SEMA3E: variants seen among roughly 807,000 people sequenced by gnomAD.
SEMA3E encodes the protein semaphorin-3E.
SEMA3E carries 49 observed loss-of-function variants against 93.6 expected under a neutral mutation model. The observed-to-expected ratio is 0.52, with a 90% CI of 0.42 to 0.66. The LOEUF (loss-of-function observed/expected upper bound fraction) is 0.66, where lower values mean the gene tolerates loss of function less well. Ranked by LOEUF, SEMA3E falls within the 30% of genes least tolerant of loss-of-function variation. The pLI is 0.00. For missense variants in SEMA3E, 906 were observed against 964.8 expected (o/e 0.94, Z 0.81); for synonymous variants, 363 against 330.7 (o/e 1.10, Z -1.06).
At chr7:83,396,481 A>T (rs906761185) in intron 12 of SEMA3E, among the ~76,000 whole-genome samples, 157 bp downstream of exon 12, 1 of 152,146 alleles carries the variant, frequency 6.6e-6, no homozygotes, top group African/African-American at 2.4e-5. Flanking sequence ...ACAATCAAAC[A>T]GATGCATTAG....
intron 1 of SEMA3E, among the ~76,000 whole-genome samples, chr7:83,490,691 A>T (rs1790365537): frequency 6.6e-6 from 1 of 152,054 alleles, no homozygotes; most frequent in African/African-American, 2.4e-5. Context: ...TTTGATAGTC[A>T]CATCCAAAAT....
chr7:83,439,689 G>T (rs1584250060), intron 4 of SEMA3E, among the ~76,000 whole-genome samples: 1 of 152,166 alleles, frequency 6.6e-6, no homozygotes, highest in East Asian at 1.9e-4. Flanking sequence ...TATGAGTCTT[G>T]AGTGTGAGAG....
chr7:83,626,417 T>A (rs1460118688), intron 1 of SEMA3E, among the ~76,000 whole-genome samples: 1 of 152,192 alleles, frequency 6.6e-6, no homozygotes, highest in Non-Finnish European at 1.5e-5. Context: ...TTCAACTTCC[T>A]CCTGGTTTAA....
At position 83,366,802 on chromosome 7, in the gene SEMA3E, T is replaced by C. The variant is rs1794676183; in HGVS notation, c.*784A>G. On this transcript the variant is annotated 3_prime_UTR_variant, in exon 17 of 17. Coordinates refer to ENST00000643230, the MANE Select transcript of SEMA3E (RefSeq NM_012431.3). ...GAGAAAAAAGAAATGTGTGAGAATATAATTTTTTTTACCACAAGAGGGAAG... is the reference window on the plus strand; with the variant it reads ...GAGAAAAAAGAAATGTGTGAGAATACAATTTTTTTTACCACAAGAGGGAAG... 6.6e-6 allele frequency: 1 copy of C among 152,158 alleles called. No individual in the cohort carries two copies. The highest frequency in any genetic ancestry group is 2.4e-5 in the African/African-American group (1 of 41,456). The allele number at this position is 152,158 out of a possible 1,614,324, so 9.4% of individuals were successfully genotyped here.
In SEMA3E at chr7:83,387,092, T is replaced by A. The variant is rs769303666; in HGVS notation, c.1668-42A>T. ...GCATTTAGATGTTCATTTTTTCAATTTTCCAGACTTTAAAATGCAGCCAAT... is the reference window on the plus strand; with the variant it reads ...GCATTTAGATGTTCATTTTTTCAATATTCCAGACTTTAAAATGCAGCCAAT... On this transcript the variant is annotated intron_variant, in intron 14 of 16. Coordinates refer to ENST00000643230, the MANE Select transcript of SEMA3E (RefSeq NM_012431.3). 1.9e-6 allele frequency: 3 copies of A among 1,569,198 alleles called. No homozygotes were observed. The South Asian group carries it at 3.4e-5, about 18-fold the overall frequency.
chr7:83,446,372 A>G (rs1452701686), intron 4 of SEMA3E, among the ~76,000 whole-genome samples: 2 of 152,242 alleles, frequency 1.3e-5, no homozygotes, highest in Non-Finnish European at 2.9e-5. Context: ...AGTGGAGAAA[A>G]CAAAAGTTTC....
intron 7 of SEMA3E, 113 bp downstream of exon 7, chr7:83,406,984 G>T: frequency 8.1e-7 from 1 of 1,232,916 alleles, no homozygotes. Context: ...ATCAATTGTA[G>T]GCAGTCTAAA....
chr7:83,532,227 T>C (rs552644212), intron 1 of SEMA3E, among the ~76,000 whole-genome samples: 10 of 152,322 alleles, frequency 6.6e-5, no homozygotes, highest in Non-Finnish European at 2.9e-5. Context: ...TTTGAGAACA[T>C]AAAATGGAGT....
At chr7:83,527,380 A>G (rs13232282) in intron 1 of SEMA3E, among the ~76,000 whole-genome samples, 80,157 of 151,868 alleles carry the variant, frequency 0.53, 23,508 homozygotes, top group Middle Eastern at 0.69. Flanking sequence ...CCAAGGCTTT[A>G]CTCATTCCTT....
At chr7:83,413,264 T>C (rs772798243) in intron 5 of SEMA3E, among the ~76,000 whole-genome samples, 1 of 152,140 alleles carries the variant, frequency 6.6e-6, no homozygotes, top group Non-Finnish European at 1.5e-5. Context: ...TGGATTTTAA[T>C]TGTATAACAA....
At chr7:83,529,616 T>C (rs1437612335) in intron 1 of SEMA3E, among the ~76,000 whole-genome samples, 1 of 152,140 alleles carries the variant, frequency 6.6e-6, no homozygotes, top group Non-Finnish European at 1.5e-5. Context: ...TGACTTTAGC[T>C]AGTCTATCCA....
intron 14 of SEMA3E, among the ~76,000 whole-genome samples, chr7:83,391,319 A>G (rs527633441): frequency 4.6e-5 from 7 of 152,116 alleles, no homozygotes; most frequent in Non-Finnish European, 7.4e-5. Flanking sequence ...CATTATCTAC[A>G]ATTCCATTCT....
rs535556883 is a variant in SEMA3E, at chr7:83,416,762, T to C, written c.550+1628A>G. On this transcript the variant is annotated intron_variant, in intron 5 of 16. Coordinates refer to ENST00000643230, the MANE Select transcript of SEMA3E (RefSeq NM_012431.3). ...TTTTTCAAACATATTAAAATCTTTA[T>C]GAAGAAAAATTCACTAACAACTTCA... is the stretch of plus-strand genomic sequence containing the variant. 2.6e-5 allele frequency among the ~76,000 whole-genome samples: 4 copies of C among 152,080 alleles called. No homozygotes were observed. The South Asian group carries it at 8.3e-4, about 32-fold the overall frequency.
intron 1 of SEMA3E, among the ~76,000 whole-genome samples, chr7:83,603,116 A>G (rs1793032781): frequency 6.6e-6 from 1 of 152,164 alleles, no homozygotes; most frequent in Admixed American, 6.5e-5. Context: ...CTCCAACCCA[A>G]TATTGTATTT....
intron 16 of SEMA3E, among the ~76,000 whole-genome samples, chr7:83,375,561 T>C (rs1279609627): frequency 1.3e-5 from 2 of 152,080 alleles, no homozygotes; most frequent in South Asian, 2.1e-4. Flanking sequence ...TGGAAGACCA[T>C]ATAAATTATA....
intron 1 of SEMA3E, among the ~76,000 whole-genome samples, chr7:83,529,545 T>A (rs1791239570): frequency 6.6e-6 from 1 of 152,166 alleles, no homozygotes; most frequent in Non-Finnish European, 1.5e-5. Flanking sequence ...TGAACCCAGG[T>A]AATCTATGCA....
intron 5 of SEMA3E, among the ~76,000 whole-genome samples, chr7:83,410,147 C>T (rs1351573628): frequency 6.6e-6 from 1 of 151,696 alleles, no homozygotes; most frequent in Non-Finnish European, 1.5e-5. Flanking sequence ...CTAAAACACT[C>T]TATGAGATAC....
chr7:83,385,440 C>G lies in SEMA3E; in HGVS notation c.1736-7G>C. The stretch of plus-strand genomic sequence containing the variant: ...GTCTTATCCAAAGCATCCCCTACAA[C>G]AGGAACATTAATGCCATCTTTGAGA... On this transcript the variant is annotated splice_region_variant and splice_polypyrimidine_tract_variant and intron_variant, in intron 15 of 16. Transcript: ENST00000643230. 1 of 1,613,118 alleles carries G rather than the reference C, an allele frequency of 6.2e-7. No homozygotes were observed. The highest frequency in any genetic ancestry group is 1.7e-5 in the Admixed American group (1 of 59,968).
chr7:83,513,195 C>A (rs1317274127), intron 1 of SEMA3E, among the ~76,000 whole-genome samples: 6 of 152,162 alleles, frequency 3.9e-5, no homozygotes, highest in Non-Finnish European at 4.4e-5. Flanking sequence ...TAATAGGTGG[C>A]TACCAGCTTT....
Sources: gnomAD v4.1 joint callset for allele counts (sites outside exome capture counted in the v4.1 genomes callset) on GRCh38, gnomAD v4.1.1 for gene constraint, MANE v1.5 for transcripts, NCBI Gene and HGNC (gene_info 2026-07-23, HGNC 2026-07-21) for gene names.